The following COL17A1 variants were observed in gnomAD, a reference collection of about 807,000 sequenced individuals.
The protein encoded by COL17A1 is collagen type XVII alpha 1 chain, also known as collagen alpha-1(XVII) chain.
In COL17A1, 181 loss-of-function variants were observed where a neutral mutation model predicts 218.4. The observed-to-expected ratio is 0.83, with a 90% CI of 0.73 to 0.94. The LOEUF is 0.94. COL17A1 is among the 40% of genes least tolerant of loss of function. The pLI is 0.00. For synonymous variants in COL17A1, 721 were observed against 731.0 expected (o/e 0.99, Z 0.22); for missense variants, 1,924 against 1,945.9 (o/e 0.99, Z 0.21).
chr10:104,037,049 C>T lies in COL17A1; in HGVS notation c.3273G>A (p.Leu1091=), dbSNP rs756478655. The change falls in exon 47 of 56, where the codon CTG becomes CTA. Residue 1091 remains leucine, a synonymous_variant. Coordinates refer to ENST00000648076, the MANE Select transcript of COL17A1 (RefSeq NM_000494.4). ...ATCCCCCCACAGGTGACTCACGCTG[C>T]AGCACAGCCAGAATGTCTTCAGAAG... is the stretch of plus-strand genomic sequence containing the variant. The part of the protein sequence containing the change: ...SISSEDILAV[L]QRDDVRQYLR... 9.3e-6 allele frequency: 15 copies of T among 1,605,320 alleles called. No individual in the cohort carries two copies. The East Asian group carries it at 3.4e-4, about 36-fold the overall frequency.
chr10:104,055,771 G>A lies in COL17A1; in HGVS notation c.1687+11C>T, dbSNP rs536427827. On this transcript the variant is annotated intron_variant, in intron 18 of 55. Transcript: ENST00000648076. ...CAGGGGAGCTGGCCCTGTGCCCGGC[G>A]ATGCTCTCACCATTTTCCTGTTCCA... The A allele has an allele frequency of 4.9e-5, 79 of 1,613,638 alleles. No individual in the cohort carries two copies. In the Middle Eastern group the frequency reaches 5.0e-4, roughly 10 times the overall value.
At chr10:104,079,361 A>C (rs2086741722) in intron 2 of COL17A1, among the ~76,000 whole-genome samples, 1 of 152,018 alleles carries the variant, frequency 6.6e-6, no homozygotes, top group Admixed American at 6.5e-5. Flanking sequence ...GCTTGTATGC[A>C]TGCATGCATG....
At chr10:104,081,543 G>A (rs2086764815) in intron 1 of COL17A1, among the ~76,000 whole-genome samples, 1 of 152,170 alleles carries the variant, frequency 6.6e-6, no homozygotes, top group Non-Finnish European at 1.5e-5. Flanking sequence ...TCCCAACTGG[G>A]CTCTTCTCTT....
At chr10:104,060,694 A>C (rs1186874994) in intron 13 of COL17A1, among the ~76,000 whole-genome samples, 1 of 152,044 alleles carries the variant, frequency 6.6e-6, no homozygotes, top group African/African-American at 2.4e-5. Flanking sequence ...ACCCCATCTA[A>C]AGCACTTCAC....
In COL17A1 at chr10:104,035,362, T is replaced by C. The variant is rs778220029; in HGVS notation, c.3520A>G (p.Arg1174Gly). 5 of 1,613,744 alleles carry C rather than the reference T, an allele frequency of 3.1e-6. No individual in the cohort carries two copies. Among genetic ancestry groups the C allele is most frequent in the East Asian group, 4.5e-5 (2 of 44,880 alleles). ...LLSLLRGSEF[R>G]GIVGPPGPPG... ...GGACCTGGGGGTCCAACGATGCCTC[T>C]GAATTCAGACCCTGAGACACCAAGG... The change falls in exon 50 of 56, where the codon AGA becomes GGA. Residue 1174 changes from arginine (R) to glycine (G), a missense_variant. Transcript: ENST00000648076.
chr10:104,042,422 T>C lies in COL17A1; in HGVS notation c.2549A>G (p.Gln850Arg), dbSNP rs377674502. The C allele has an allele frequency of 1.2e-6, 2 of 1,614,146 alleles. No homozygotes were observed. Among genetic ancestry groups the C allele is most frequent in the Non-Finnish European group, 1.7e-6 (2 of 1,180,026 alleles). Reference sequence around the variant, plus strand: ...CATTCTTGCAGGGTGTGACATACCTTGATGTCCTGGGAGACCAGCTGGGCC... The same window carrying C: ...CATTCTTGCAGGGTGTGACATACCTCGATGTCCTGGGAGACCAGCTGGGCC... Reference protein sequence around the residue: ...PAGPAGLPGHQEVLNLQGPPG... With the variant: ...PAGPAGLPGHREVLNLQGPPG... The change falls in exon 36 of 56, where the codon CAA becomes CGA. Residue 850 changes from glutamine to arginine, a missense_variant and splice_region_variant. By Grantham distance (43) the Gln-to-Arg change is conservative (BLOSUM62 1). Transcript: ENST00000648076.
At chr10:104,040,065 A>C (rs564865226) in intron 40 of COL17A1, 66 bp from the exon 41 acceptor site, 10 of 1,572,072 alleles carry the variant, frequency 6.4e-6, no homozygotes, top group Non-Finnish European at 8.8e-6. Flanking sequence ...CAATGGGCCC[A>C]TGGAGGAGGG....
At chr10:104,037,924 T>G in intron 45 of COL17A1, 151 bp from the exon 46 acceptor site, 2 of 846,300 alleles carry the variant, frequency 2.4e-6, no homozygotes, top group African/African-American at 3.9e-5. Context: ...TTCCCCTCAC[T>G]GTCCTTCCCC....
chr10:104,040,479 C>T (rs2086347436), intron 39 of COL17A1, 69 bp from the exon 40 acceptor site: 5 of 994,058 alleles, frequency 5.0e-6, no homozygotes, highest in Admixed American at 1.7e-5. Context: ...TTGCACAGCA[C>T]CTGACAACAT....
At chr10:104,041,666 C>A in intron 36 of COL17A1, 128 bp from the exon 37 acceptor site, 1 of 772,250 alleles carries the variant, frequency 1.3e-6, no homozygotes, top group Middle Eastern at 2.8e-4. Context: ...GACACCAGGC[C>A]CTGTGTCATG....
chr10:104,061,640 T>C (rs1372240251), intron 12 of COL17A1, among the ~76,000 whole-genome samples, 167 bp from the exon 13 acceptor site: 2 of 152,096 alleles, frequency 1.3e-5, no homozygotes, highest in Non-Finnish European at 2.9e-5. Context: ...AGATGGAACG[T>C]TCTTAGGTAT....
At chr10:104,038,661 G>C (rs1256419593) in intron 44 of COL17A1, 133 bp from the exon 45 acceptor site, 2 of 1,139,538 alleles carry the variant, frequency 1.8e-6, no homozygotes, top group Non-Finnish European at 1.3e-6. Context: ...GCAAGGAGAA[G>C]GGTCCCCGAG....
At position 104,061,465 on chromosome 10, in the gene COL17A1, C is replaced by A; in HGVS notation, c.919G>T (p.Val307Leu). The A allele has an allele frequency of 1.2e-6, 2 of 1,613,220 alleles. No individual in the cohort carries two copies. The highest frequency in any genetic ancestry group is 1.3e-5 in the African/African-American group (1 of 75,006). Residue 307 changes from valine to leucine, a missense_variant, in exon 13 of 56, where the codon GTG (valine) becomes TTG (leucine). Coordinates refer to ENST00000648076, the MANE Select transcript of COL17A1 (RefSeq NM_000494.4). ...GTTTTSTAYG[V>L]KKNMPQSPAA... ...GGACTCTGGGGCATGTTTTTCTTCA[C>A]CCCATATGCTGCAAGAAAGGAAGCT...
rs754970760 is a variant in COL17A1 at position 104,054,122 on chromosome 10, C to T, written c.1745-4G>A. 6.2e-7 allele frequency: 1 copy of T among 1,606,634 alleles called. No homozygotes were observed. The highest frequency in any genetic ancestry group is 2.2e-5 in the East Asian group (1 of 44,752). ...GTCCCAGGGAACCCTCGATCTCCTG[C>T]AGGAACAAAGGCAAAAGAGAGAGTG... On this transcript the variant is annotated splice_polypyrimidine_tract_variant and splice_region_variant and intron_variant, in intron 20 of 55. Coordinates refer to ENST00000648076, the MANE Select transcript of COL17A1 (RefSeq NM_000494.4).
Position 104,054,965 on chromosome 10 carries a change from C to A in COL17A1, c.1744+16G>T. 1.2e-6 allele frequency: 2 copies of A among 1,614,060 alleles called. No homozygotes were observed. The highest frequency in any genetic ancestry group is 1.7e-6 in the Non-Finnish European group (2 of 1,180,010). On this transcript the variant is annotated intron_variant, in intron 20 of 55. Coordinates refer to ENST00000648076, the MANE Select transcript of COL17A1 (RefSeq NM_000494.4). ...CTTGCTAATATTTAAGGTAAAAATG[C>A]CCATGTTATAATTACCTTTAGGGCC... is the stretch of plus-strand genomic sequence containing the variant.
chr10:104,050,203 G>T (rs1036765798), intron 27 of COL17A1, 79 bp from the exon 28 acceptor site: 11 of 1,596,272 alleles, frequency 6.9e-6, no homozygotes, highest in African/African-American at 4.0e-5. Flanking sequence ...CAGGGTCCCC[G>T]GCTGCAGGGT....
Position 104,039,622 on chromosome 10 carries a change from C to T in COL17A1, c.2807G>A (p.Gly936Asp), listed in dbSNP as rs781643595. ...RGHQGEQGLP[G>D]FSTSGSSSFG... Reference sequence around the variant, plus strand: ...TCAGCCCTTACCTGAGGTTGAGAAACCTGGGAGGCCTTGCTCGCCTGAGGA... The same window carrying T: ...TCAGCCCTTACCTGAGGTTGAGAAATCTGGGAGGCCTTGCTCGCCTGAGGA... The change falls in exon 42 of 56, where the codon GGT (glycine) becomes GAT (aspartate). Residue 936 changes from glycine (G) to aspartate (D), a missense_variant. By Grantham distance (94) the Gly-to-Asp change is moderately conservative. Transcript: ENST00000648076. 7 of 1,614,038 alleles carry T rather than the reference C, an allele frequency of 4.3e-6. No homozygotes were observed. In the South Asian group the frequency reaches 6.6e-5, roughly 15 times the overall value.
chr10:104,052,170 A>T lies in COL17A1; in HGVS notation c.1987T>A (p.Ser663Thr), dbSNP rs755300882. Residue 663 changes from serine (S) to threonine (T), a missense_variant, in exon 24 of 56, where the codon TCT (serine) becomes ACT (threonine). Physicochemically the swap from Ser to Thr is moderately conservative, Grantham distance 58 (BLOSUM62 1). Transcript: ENST00000648076. ...CTGGACTTACCTTTGGGACCCACAGAACCTGGGACACCAGGTGGGCCATGA... is the reference window on the plus strand; with the variant it reads ...CTGGACTTACCTTTGGGACCCACAGTACCTGGGACACCAGGTGGGCCATGA... ...GPHGPPGVPGSVGPKGSSGSP... is the reference protein window; with the variant it reads ...GPHGPPGVPGTVGPKGSSGSP... 10 of 1,614,152 alleles carry T rather than the reference A, an allele frequency of 6.2e-6. No individual in the cohort carries two copies. Among genetic ancestry groups the T allele is most frequent in the Non-Finnish European group, 8.5e-6 (10 of 1,180,004 alleles).
Position 104,039,532 on chromosome 10 carries a change from AAC to A in COL17A1, c.2822-15_2822-14del, listed in dbSNP as rs770045371. 3 of 1,614,114 alleles carry A rather than the reference AAC, an allele frequency of 1.9e-6. No individual in the cohort carries two copies. In the Admixed American group the frequency reaches 5.0e-5, roughly 27 times the overall value. On this transcript the variant is annotated splice_polypyrimidine_tract_variant and intron_variant, in intron 42 of 55. Coordinates refer to ENST00000648076, the MANE Select transcript of COL17A1 (RefSeq NM_000494.4). ...AAAGAACTGGACCCTGGAAGCCAACAACACACACAGTGCAGTCAGCCAGGGTT... is the reference window on the plus strand; with the variant it reads ...AAAGAACTGGACCCTGGAAGCCAACAACACACAGTGCAGTCAGCCAGGGTT...
Sources: gnomAD v4.1 joint callset for allele counts (sites outside exome capture counted in the v4.1 genomes callset) on GRCh38, gnomAD v4.1.1 for gene constraint, MANE v1.5 for transcripts, NCBI Gene and HGNC (gene_info 2026-07-23, HGNC 2026-07-21) for gene names.